The following ECT2L variants were observed in gnomAD, a reference collection of about 807,000 sequenced individuals.
The protein encoded by ECT2L is epithelial cell transforming 2 like.
ECT2L carries 126 observed loss-of-function variants against 122.8 expected under a neutral mutation model. The ratio of observed to expected loss-of-function variants is 1.03; its 90% CI spans 0.89 to 1.19. ECT2L has a LOEUF of 1.19. Ranked by LOEUF, ECT2L falls within the 50% of genes most tolerant of loss-of-function variation. The probability of loss-of-function intolerance (pLI) is 0.00; values close to 1 mark genes in which losing one functional copy is unlikely to be tolerated. For missense variants in ECT2L, 1,012 were observed against 1,064.1 expected (o/e 0.95, Z 0.68); for synonymous variants, 385 against 381.8 (o/e 1.01, Z -0.10).
intron 16 of ECT2L, among the ~76,000 whole-genome samples, chr6:138,885,090 G>A (rs556093123): frequency 2.7e-4 from 38 of 141,704 alleles, no homozygotes; most frequent in Admixed American, 2.6e-3. Context: ...GTGCAGTGGC[G>A]CTATCTTGGA....
chr6:138,804,773 T>C (rs1775658978), intron 1 of ECT2L, among the ~76,000 whole-genome samples: 2 of 152,228 alleles, frequency 1.3e-5, no homozygotes, highest in Non-Finnish European at 2.9e-5. Flanking sequence ...TATAATTTTC[T>C]TCATAAAGTT....
intron 18 of ECT2L, 116 bp from the exon 19 acceptor site, chr6:138,886,741 T>A: frequency 2.6e-6 from 2 of 762,850 alleles, no homozygotes; most frequent in Non-Finnish European, 4.4e-6. Flanking sequence ...CTTTCTATTA[T>A]AACATATGAA....
intron 19 of ECT2L, among the ~76,000 whole-genome samples, chr6:138,888,442 C>G (rs1778904469): frequency 6.6e-6 from 1 of 150,822 alleles, no homozygotes; most frequent in African/African-American, 2.4e-5. Flanking sequence ...TCCCAAGTAG[C>G]TAGGACTACC....
chr6:138,875,565 A>C (rs999206964), intron 13 of ECT2L, among the ~76,000 whole-genome samples: 4 of 152,302 alleles, frequency 2.6e-5, no homozygotes, highest in Non-Finnish European at 5.9e-5. Flanking sequence ...TGCAGGCAGC[A>C]GGGGTGGGGG....
chr6:138,849,958 T>C (rs983110553), intron 9 of ECT2L, among the ~76,000 whole-genome samples: 10 of 152,124 alleles, frequency 6.6e-5, no homozygotes, highest in Admixed American at 1.3e-4. Context: ...TTTGTTCACA[T>C]TGTTGTGAAA....
intron 14 of ECT2L, 57 bp from the exon 15 acceptor site, chr6:138,880,900 C>T: frequency 1.3e-6 from 2 of 1,498,960 alleles, no homozygotes; most frequent in South Asian, 2.3e-5. Context: ...AGCTGCCTGA[C>T]TGCTCAGCAC....
At chr6:138,896,962 A>C (rs1277443444) in intron 20 of ECT2L, among the ~76,000 whole-genome samples, 1 of 152,160 alleles carries the variant, frequency 6.6e-6, no homozygotes, top group African/African-American at 2.4e-5. Flanking sequence ...TTTCTTTTAA[A>C]GTTTTATGTA....
intron 4 of ECT2L, among the ~76,000 whole-genome samples, chr6:138,824,359 A>G (rs1200154419): frequency 2.6e-5 from 4 of 151,810 alleles, no homozygotes; most frequent in Non-Finnish European, 4.4e-5. Flanking sequence ...AGATTATTAA[A>G]GAGGTTCATG....
chr6:138,878,306 T>TATACAC lies in ECT2L; in HGVS notation c.1665+1749_1665+1750insTACACA, dbSNP rs139026623. On this transcript the variant is annotated intron_variant, in intron 14 of 21. Transcript: ENST00000541398. The stretch of plus-strand genomic sequence containing the variant: ...GCAAGGATTTAGATACATATATATA[T>TATACAC]ACACACACACACACACACACACACA... Among the ~76,000 whole-genome samples the TATACAC allele has an allele frequency of 3.6e-3, 543 of 150,326 alleles. 6 individuals carry two copies. The highest frequency in any genetic ancestry group is 0.024 in the Admixed American group (365 of 15,032).
chr6:138,849,370 G>A lies in ECT2L; in HGVS notation c.1005G>A (p.Gly335=). 1 of 1,614,010 alleles carries A rather than the reference G, an allele frequency of 6.2e-7. No individual in the cohort carries two copies. The highest frequency in any genetic ancestry group is 1.1e-5 in the South Asian group (1 of 91,070). Residue 335 remains glycine (G), a synonymous_variant, in exon 9 of 22, where the codon GGG becomes GGA. Coordinates refer to ENST00000541398, the MANE Select transcript of ECT2L (RefSeq NM_001077706.3). The part of the protein sequence containing the change: ...LLYLIEKALD[G]QKAQSIGIFS... ...ATCTTATAGAAAAAGCTCTGGATGG[G>A]CAGAAGGCACAGAGCATCGGAATAT... is the stretch of plus-strand genomic sequence containing the variant.
In ECT2L at chr6:138,865,031, G is replaced by A; in HGVS notation, c.1327G>A (p.Ala443Thr). ...TTGGCTGGGATCCCAATGGGGAAAG[G>A]CCCCCTCTTCCATCTACTTCTGCGA... ...SDWLGSQWGK[A>T]PSSIYFCESK... The change falls in exon 12 of 22, where the codon GCC becomes ACC. Residue 443 changes from alanine (A) to threonine (T), a missense_variant. Transcript: ENST00000541398. The A allele has an allele frequency of 6.2e-7, 1 of 1,613,618 alleles. No individual in the cohort carries two copies. The highest frequency in any genetic ancestry group is 8.5e-7 in the Non-Finnish European group (1 of 1,179,912).
In ECT2L at chr6:138,862,627, A is replaced by C. The variant is rs1777875891; in HGVS notation, c.1199A>C (p.Glu400Ala). ...AACGAAAGTGTTTTTGACTATGCAG[A>C]GGCAGGAATTGAAGTTCTTTCCCAG... is the stretch of plus-strand genomic sequence containing the variant. ...VDFFVPLGASEAGIEVLSQLS... is the reference protein window; with the variant it reads ...VDFFVPLGASAAGIEVLSQLS... The change falls in exon 11 of 22, where the codon GAG (glutamate) becomes GCG (alanine). Residue 400 changes from glutamate (E) to alanine (A), a missense_variant and splice_region_variant. Transcript: ENST00000541398. 1 of 1,613,916 alleles carries C rather than the reference A, an allele frequency of 6.2e-7. No homozygotes were observed. Among genetic ancestry groups the C allele is most frequent in the Non-Finnish European group, 8.5e-7 (1 of 1,179,888 alleles).
intron 20 of ECT2L, among the ~76,000 whole-genome samples, chr6:138,891,561 C>T (rs1216206338): frequency 7.4e-6 from 1 of 135,256 alleles, no homozygotes; most frequent in Non-Finnish European, 1.6e-5. Flanking sequence ...CTCTTTCAAC[C>T]AATTGCCAAT....
intron 11 of ECT2L, among the ~76,000 whole-genome samples, chr6:138,863,164 C>T (rs975319049): frequency 7.9e-5 from 12 of 152,172 alleles, no homozygotes; most frequent in Admixed American, 2.6e-4. Flanking sequence ...AGAGAAAATA[C>T]ACCTGAAAGC....
intron 10 of ECT2L, among the ~76,000 whole-genome samples, chr6:138,858,908 A>G (rs1046890922): frequency 2.6e-5 from 4 of 151,656 alleles, no homozygotes; most frequent in Non-Finnish European, 4.4e-5. Context: ...GGGTCTCCCT[A>G]TGTTTCCCAG....
chr6:138,865,270 T>G, intron 12 of ECT2L, 92 bp downstream of exon 12: 1 of 1,294,742 alleles, frequency 7.7e-7, no homozygotes, highest in Non-Finnish European at 1.0e-6. Context: ...GCAAGTAAAA[T>G]TTTACTCTTG....
intron 4 of ECT2L, among the ~76,000 whole-genome samples, chr6:138,825,260 T>C (rs1776404802): frequency 6.6e-6 from 1 of 152,148 alleles, no homozygotes; most frequent in Non-Finnish European, 1.5e-5. Context: ...TCAATACCAA[T>C]ACCAGGCTTT....
intron 4 of ECT2L, among the ~76,000 whole-genome samples, chr6:138,819,418 T>C (rs1004700611): frequency 1.1e-4 from 17 of 152,062 alleles, no homozygotes; most frequent in Non-Finnish European, 2.4e-4. Context: ...TCCTTTCTCA[T>C]GTTGAGCTTC....
At chr6:138,809,558 A>T (rs998346215) in intron 1 of ECT2L, among the ~76,000 whole-genome samples, 4 of 152,138 alleles carry the variant, frequency 2.6e-5, no homozygotes, top group Non-Finnish European at 5.9e-5. Context: ...TTGATTTTGT[A>T]ATGTCAAAAT....
Sources: allele counts gnomAD v4.1 joint callset (sites outside exome capture counted in the v4.1 genomes callset), GRCh38; gene constraint gnomAD v4.1.1; transcripts MANE v1.5; gene names NCBI Gene and HGNC (gene_info 2026-07-23, HGNC 2026-07-21).